Variants in USO1 observed in about 807,000 individuals in gnomAD.
USO1 encodes general vesicular transport factor p115.
USO1 carries 57 observed loss-of-function variants against 124.5 expected under a neutral mutation model. That is an observed-to-expected ratio of 0.46 (90% CI 0.37 to 0.57). The LOEUF (loss-of-function observed/expected upper bound fraction) is 0.57, where lower values mean the gene tolerates loss of function less well. Among genes scored for constraint, USO1 ranks in the 20% least tolerant of loss-of-function variants. The pLI is 0.00. For missense variants in USO1, 900 were observed against 1,040.6 expected (o/e 0.86, Z 1.86); for synonymous variants, 369 against 362.8 (o/e 1.02, Z -0.19).
chr4:75,803,992 T>A, intron 17 of USO1, 142 bp from the exon 18 acceptor site: 1 of 997,716 alleles, frequency 1.0e-6, no homozygotes, highest in South Asian at 2.5e-5. Context: ...CACACCAAGT[T>A]GCTTAATTAC....
At chr4:75,790,898 C>A in intron 12 of USO1, 101 bp downstream of exon 12, 1 of 1,306,518 alleles carries the variant, frequency 7.7e-7, no homozygotes, top group Non-Finnish European at 9.9e-7. Context: ...AAATACTTTG[C>A]ATGCTTAGGA....
At position 75,772,197 on chromosome 4, in the gene USO1, G is replaced by A. The variant is rs116983509; in HGVS notation, c.555+1060G>A. Among the ~76,000 whole-genome samples the A allele has an allele frequency of 6.1e-3, 925 of 152,206 alleles. 34 individuals carry two copies. Among genetic ancestry groups the A allele is most frequent in the Admixed American group, 0.043 (659 of 15,288 alleles). The stretch of plus-strand genomic sequence containing the variant: ...ATTTTGTAATATGTATATCAATTCA[G>A]TATTATAGGTAGTGAACTTAATACA... On this transcript the variant is annotated intron_variant, in intron 7 of 23. Coordinates refer to ENST00000514213, the MANE Select transcript of USO1 (RefSeq NM_003715.4).
At position 75,806,536 on chromosome 4, in the gene USO1, A is replaced by C. The variant is rs1382299355; in HGVS notation, c.2340A>C (p.Ser780=). ...ATGAACAGTCTTCAGCAATAGTTTC[A>C]GCTAGAGATTCTGAACAAGTTGCAG... ...GTNEQSSAIV[S]ARDSEQVAEL... is the part of the protein sequence containing the mutation. Residue 780 remains serine (S), a synonymous_variant, in exon 20 of 24, where the codon TCA becomes TCC. Coordinates refer to ENST00000514213, the MANE Select transcript of USO1 (RefSeq NM_003715.4). 1 of 1,561,296 alleles carries C rather than the reference A, an allele frequency of 6.4e-7. No individual in the cohort carries two copies. The highest frequency in any genetic ancestry group is 1.2e-5 in the South Asian group (1 of 84,642).
intron 1 of USO1, among the ~76,000 whole-genome samples, chr4:75,749,962 C>G (rs957707596): frequency 6.6e-6 from 1 of 152,070 alleles, no homozygotes; most frequent in African/African-American, 2.4e-5. Flanking sequence ...ATCATGTTAG[C>G]CAGCATGGTC....
chr4:75,776,205 T>C lies in USO1; in HGVS notation c.676+1409T>C, dbSNP rs144789109. ...TAGAGGAACTATGGTCTCTCGAAAG[T>C]ACACTGGGCTGGGAGGGTCACAGCT... On this transcript the variant is annotated intron_variant, in intron 8 of 23. Coordinates refer to ENST00000514213, the MANE Select transcript of USO1 (RefSeq NM_003715.4). Among the ~76,000 whole-genome samples, 133 of 152,258 alleles carry C rather than the reference T, an allele frequency of 8.7e-4. 1 individual carries two copies. The highest frequency in any genetic ancestry group is 3.0e-3 in the African/African-American group (126 of 41,560).
At chr4:75,804,912 CAGA>C in intron 18 of USO1, 1 of 398,668 alleles carries the variant, frequency 2.5e-6, no homozygotes. Flanking sequence ...CATAGATCAC[CAGA>C]CCATGCAGTT....
Position 75,806,572 on chromosome 4 carries a change from G to A in USO1, c.2376G>A (p.Gln792=). The A allele has an allele frequency of 1.9e-6, 3 of 1,552,602 alleles. No homozygotes were observed. The highest frequency in any genetic ancestry group is 2.6e-6 in the Non-Finnish European group (3 of 1,147,576). ...CTGAACAAGTTGCAGAATTAAAACA[G>A]GTAATTTTCCACTTTGATCCAATTC... is the stretch of plus-strand genomic sequence containing the variant. ...RDSEQVAELK[Q]ELATLKSQLN... is the part of the protein sequence containing the mutation. The change falls in exon 20 of 24, where the codon CAG becomes CAA. Residue 792 remains glutamine (Q), a splice_region_variant and synonymous_variant. Coordinates refer to ENST00000514213, the MANE Select transcript of USO1 (RefSeq NM_003715.4).
intron 13 of USO1, among the ~76,000 whole-genome samples, chr4:75,797,530 C>T (rs1577968862): frequency 8.9e-6 from 1 of 111,988 alleles, no homozygotes; most frequent in East Asian, 2.6e-4. Context: ...TTCATATGAT[C>T]TTCAGAATCA....
intron 3 of USO1, among the ~76,000 whole-genome samples, chr4:75,756,537 G>A (rs1211499468): frequency 1.0e-5 from 1 of 95,998 alleles, no homozygotes; most frequent in African/African-American, 4.1e-5. Flanking sequence ...ACGGAGTTTT[G>A]CTCTTGTTGC....
Position 75,755,367 on chromosome 4 carries a change from T to C in USO1, c.219-2130T>C, listed in dbSNP as rs950181196. 7.6e-5 allele frequency: 36 copies of C among 474,886 alleles called. No individual in the cohort carries two copies. The Admixed American group carries it at 8.1e-4, about 11-fold the overall frequency. The allele number at this position is 474,886 out of a possible 1,614,324, so 29.4% of individuals were successfully genotyped here. On this transcript the variant is annotated intron_variant, in intron 3 of 23. Coordinates refer to ENST00000514213, the MANE Select transcript of USO1 (RefSeq NM_003715.4). ...TTCCTCCAGTCTCTTTGTATTTCCA[T>C]TCAGTCTATATGTTGCAAGAATTAT...
At chr4:75,745,479 AAG>A (rs1721098329) in intron 1 of USO1, 1 of 400,184 alleles carries the variant, frequency 2.5e-6, no homozygotes, top group African/African-American at 2.1e-5. Flanking sequence ...ACATAGGAGA[AAG>A]AGTATGGACT....
chr4:75,732,407 T>G (rs1420018363), intron 1 of USO1, among the ~76,000 whole-genome samples: 1 of 152,214 alleles, frequency 6.6e-6, no homozygotes, highest in Non-Finnish European at 1.5e-5. Context: ...TCCAGTCCAC[T>G]ATTGATGGAC....
At chr4:75,800,588 T>G (rs1195448113) in intron 15 of USO1, 30 bp from the exon 16 acceptor site, 3 of 1,529,216 alleles carry the variant, frequency 2.0e-6, no homozygotes, top group Admixed American at 2.3e-5. Flanking sequence ...TTATTTTTTT[T>G]AAAGCATCTC....
In USO1 at chr4:75,804,146, G is replaced by A. The variant is rs528917331; in HGVS notation, c.1999G>A (p.Glu667Lys). 2 of 1,612,858 alleles carry A rather than the reference G, an allele frequency of 1.2e-6. No individual in the cohort carries two copies. Among genetic ancestry groups the A allele is most frequent in the Non-Finnish European group, 8.5e-7 (1 of 1,179,454 alleles). Residue 667 changes from glutamate (E) to lysine (K), a missense_variant, in exon 18 of 24, where the codon GAG becomes AAG. Coordinates refer to ENST00000514213, the MANE Select transcript of USO1 (RefSeq NM_003715.4). ...TTTTGTTTCACAGGATCTCCAACTT[G>A]AGGAATTAAGGCAGCAGGTTTCTAC... ...NMIREQDLQL[E>K]ELRQQVSTLK...
At chr4:75,766,862 T>C (rs1216986415) in intron 4 of USO1, among the ~76,000 whole-genome samples, 1 of 152,204 alleles carries the variant, frequency 6.6e-6, no homozygotes, top group African/African-American at 2.4e-5. Context: ...TGTGAGCTTC[T>C]TCCATTATAC....
Position 75,812,311 on chromosome 4 carries a change from T to C in USO1, c.2735T>C (p.Leu912Pro). Reference protein sequence around the residue: ...SKKEQDDLLVLLADQDQKILS... With the variant: ...SKKEQDDLLVPLADQDQKILS... ...AAAGAACAAGATGATCTCTTGGTGC[T>C]CTTGGCCGATCAAGATCAGAAAATA... Residue 912 changes from leucine to proline, a missense_variant, in exon 23 of 24, where the codon CTC becomes CCC. Physicochemically the swap from Leu to Pro is moderately conservative, Grantham distance 98 (BLOSUM62 -3). This residue lies in a region of USO1 where 362 missense variants were observed against 359.0 expected (regional missense o/e 1.01). Transcript: ENST00000514213. 1 of 1,606,070 alleles carries C rather than the reference T, an allele frequency of 6.2e-7. No individual in the cohort carries two copies. Among genetic ancestry groups the C allele is most frequent in the Non-Finnish European group, 8.5e-7 (1 of 1,176,090 alleles).
intron 4 of USO1, among the ~76,000 whole-genome samples, chr4:75,768,012 C>G (rs1472444630): frequency 2.0e-5 from 3 of 151,276 alleles, no homozygotes; most frequent in Non-Finnish European, 3.0e-5. Flanking sequence ...TCTTTAATTT[C>G]TTTTTTTTTC....
In USO1 at chr4:75,724,771, CTTCT is replaced by C; in HGVS notation, c.-46_-43del. 1 of 1,606,378 alleles carries C rather than the reference CTTCT, an allele frequency of 6.2e-7. No individual in the cohort carries two copies. ...CCCTGCGGAGGGCGGGGGAAGTTGT[CTTCT>C]TTTTTTTCCGGAGGGGCCGGTAAAC... On this transcript the variant is annotated 5_prime_UTR_variant, in exon 1 of 24. Transcript: ENST00000514213.
intron 21 of USO1, among the ~76,000 whole-genome samples, chr4:75,809,552 A>T (rs963263598): frequency 2.6e-5 from 4 of 152,188 alleles, no homozygotes; most frequent in Non-Finnish European, 5.9e-5. Flanking sequence ...TAAAATATCC[A>T]AATTCATTAT....
Sources: gnomAD v4.1 joint callset for allele counts (sites outside exome capture counted in the v4.1 genomes callset) on GRCh38, gnomAD v4.1.1 for gene constraint, gnomAD v4.1.1 regional missense constraint, MANE v1.5 for transcripts, NCBI Gene and HGNC (gene_info 2026-07-23, HGNC 2026-07-21) for gene names.